The following SH3BGRL2 variants were observed in gnomAD, a reference collection of about 807,000 sequenced individuals.
SH3BGRL2 encodes SH3 domain binding glutamate rich protein like 2.
Under a neutral mutation model 14.8 loss-of-function variants are expected in SH3BGRL2, and 21 were observed. The ratio of observed to expected loss-of-function variants is 1.42; its 90% confidence interval spans 1.01 to 2.05. The LOEUF is 2.05. Among genes scored for constraint, SH3BGRL2 ranks in the 30% most tolerant of loss-of-function variants. SH3BGRL2 has a pLI of 0.00. For missense variants in SH3BGRL2, 147 were observed against 130.8 expected (o/e 1.12, Z -0.61); for synonymous variants, 50 against 47.8 (o/e 1.05, Z -0.19).
chr6:79,642,865 C>G (rs1454086661), intron 1 of SH3BGRL2, among the ~76,000 whole-genome samples: 1 of 152,144 alleles, frequency 6.6e-6, no homozygotes, highest in East Asian at 1.9e-4. Context: ...TTCCTAGAAT[C>G]CTGACTGTGA....
chr6:79,580,658 T>C, the SH3BGRL2 span, among the ~76,000 whole-genome samples: 1 of 152,140 alleles, frequency 6.6e-6, no homozygotes, highest in East Asian at 1.9e-4. Context: ...TAGAGGGAAA[T>C]TTATAGCACT....
At chr6:79,681,940 A>C (rs909445567) in intron 2 of SH3BGRL2, among the ~76,000 whole-genome samples, 10 of 150,830 alleles carry the variant, frequency 6.6e-5, no homozygotes, top group African/African-American at 2.4e-4. Flanking sequence ...GGACAGAGTG[A>C]GACTCCGTCT....
intron 1 of SH3BGRL2, among the ~76,000 whole-genome samples, chr6:79,632,034 C>T (rs990000545): frequency 2.6e-5 from 4 of 152,186 alleles, no homozygotes; most frequent in African/African-American, 9.7e-5. Flanking sequence ...AATAGTAAAA[C>T]TAGGTTTGTC....
At chr6:79,571,721 T>C in the SH3BGRL2 span, among the ~76,000 whole-genome samples, 1 of 152,184 alleles carries the variant, frequency 6.6e-6, no homozygotes, top group Non-Finnish European at 1.5e-5. Context: ...GTGTTTATGA[T>C]TTAAGTATAT....
chr6:79,611,199 T>C, the SH3BGRL2 span, among the ~76,000 whole-genome samples: 1 of 152,158 alleles, frequency 6.6e-6, no homozygotes, highest in Non-Finnish European at 1.5e-5. Flanking sequence ...GTTGTCATCA[T>C]TTATAAAGAT....
upstream of SH3BGRL2, among the ~76,000 whole-genome samples, chr6:79,628,919 A>T (rs1426455152): frequency 6.6e-6 from 1 of 152,164 alleles, no homozygotes; most frequent in Admixed American, 6.5e-5. Flanking sequence ...AGATATAGGG[A>T]TATTACACAG....
the SH3BGRL2 span, among the ~76,000 whole-genome samples, chr6:79,549,402 G>A: frequency 6.6e-6 from 1 of 152,150 alleles, no homozygotes; most frequent in Non-Finnish European, 1.5e-5. Flanking sequence ...TGATGTTTTG[G>A]TCAATGGACC....
At chr6:79,695,791 A>T (rs1272450969) in intron 2 of SH3BGRL2, among the ~76,000 whole-genome samples, 1 of 152,230 alleles carries the variant, frequency 6.6e-6, no homozygotes, top group Non-Finnish European at 1.5e-5. Flanking sequence ...TCAAATTACC[A>T]AATTTTAAGA....
intron 1 of SH3BGRL2, among the ~76,000 whole-genome samples, chr6:79,646,799 T>C (rs1245671291): frequency 6.6e-6 from 1 of 152,236 alleles, no homozygotes; most frequent in Admixed American, 6.5e-5. Flanking sequence ...AATGAAACCT[T>C]TGATGTCTGG....
At chr6:79,694,871 C>A (rs1285135574) in intron 2 of SH3BGRL2, among the ~76,000 whole-genome samples, 1 of 152,130 alleles carries the variant, frequency 6.6e-6, no homozygotes, top group Non-Finnish European at 1.5e-5. Context: ...CCAAAGTACT[C>A]CCCTTTTTCC....
At chr6:79,547,313 G>A in the SH3BGRL2 span, among the ~76,000 whole-genome samples, 4 of 152,094 alleles carry the variant, frequency 2.6e-5, no homozygotes, top group Non-Finnish European at 5.9e-5. Context: ...GTAGTAAAGA[G>A]CACAACCCAG....
chr6:79,649,186 A>C (rs1258030343), intron 1 of SH3BGRL2, among the ~76,000 whole-genome samples: 1 of 152,212 alleles, frequency 6.6e-6, no homozygotes, highest in Non-Finnish European at 1.5e-5. Flanking sequence ...CCAGAAGCAT[A>C]GTTTTAGACT....
chr6:79,690,600 G>GAA (rs1224801724), intron 2 of SH3BGRL2, among the ~76,000 whole-genome samples: 3 of 152,202 alleles, frequency 2.0e-5, no homozygotes, highest in Non-Finnish European at 4.4e-5. Context: ...CAGAAAGAAA[G>GAA]AAAGTCTGAG....
In SH3BGRL2 at chr6:79,673,727, C is replaced by T. The variant is rs773554244; in HGVS notation, c.159C>T (p.Val53=). Residue 53 remains valine, a synonymous_variant, in exon 2 of 4, where the codon GTC becomes GTT. Transcript: ENST00000369838. ...AGAGGCAATGGATGTACAAAAACGT[C>T]CCCCCGGAAAAGAAACCCACTCAGG... The part of the protein sequence containing the change: ...EEQRQWMYKN[V]PPEKKPTQGN... 6.2e-7 allele frequency: 1 copy of T among 1,613,928 alleles called. No individual in the cohort carries two copies. The highest frequency in any genetic ancestry group is 8.5e-7 in the Non-Finnish European group (1 of 1,180,002).
chr6:79,598,750 T>C, the SH3BGRL2 span, among the ~76,000 whole-genome samples: 4 of 152,150 alleles, frequency 2.6e-5, no homozygotes, highest in Non-Finnish European at 5.9e-5. Flanking sequence ...GGTAGACGAA[T>C]TATATCTTAA....
At chr6:79,611,156 A>G in the SH3BGRL2 span, among the ~76,000 whole-genome samples, 1 of 151,964 alleles carries the variant, frequency 6.6e-6, no homozygotes, top group African/African-American at 2.4e-5. Context: ...TATACTCTGA[A>G]CTCCTCCACA....
At chr6:79,644,191 A>G (rs1172001029) in intron 1 of SH3BGRL2, among the ~76,000 whole-genome samples, 1 of 152,132 alleles carries the variant, frequency 6.6e-6, no homozygotes, top group Non-Finnish European at 1.5e-5. Context: ...GCCCTGTTGT[A>G]TGCTCTGCAC....
intron 1 of SH3BGRL2, among the ~76,000 whole-genome samples, chr6:79,652,139 A>G (rs1582719815): frequency 6.6e-6 from 1 of 152,286 alleles, no homozygotes; most frequent in East Asian, 1.9e-4. Flanking sequence ...GTGAAGAATA[A>G]ATAGAACTTG....
intron 1 of SH3BGRL2, among the ~76,000 whole-genome samples, chr6:79,649,662 T>A (rs1177050430): frequency 6.6e-6 from 1 of 152,148 alleles, no homozygotes; most frequent in African/African-American, 2.4e-5. Context: ...CTGCTGTGCT[T>A]CTCTTCTTTG....
Sources: allele counts gnomAD v4.1 joint callset (sites outside exome capture counted in the v4.1 genomes callset), GRCh38; gene constraint gnomAD v4.1.1; transcripts MANE v1.5; gene names NCBI Gene and HGNC (gene_info 2026-07-23, HGNC 2026-07-21).